Variants in KCNG4 observed in about 807,000 individuals in gnomAD.
KCNG4 encodes the protein voltage-gated potassium channel regulatory subunit KCNG4.
Under a neutral mutation model 28.2 loss-of-function variants are expected in KCNG4, and 30 were observed. That is an observed-to-expected ratio of 1.06 (90% CI 0.80 to 1.44). KCNG4 has a LOEUF of 1.44. Ranked by LOEUF, KCNG4 falls within the 40% of genes most tolerant of loss-of-function variation. The pLI is 0.00. For synonymous variants in KCNG4, 375 were observed against 315.5 expected, an observed-to-expected ratio of 1.19 and a Z score of -2.00; for missense variants, 879 against 712.3, an observed-to-expected ratio of 1.23 and a Z score of -2.66.
At chr16:84,238,288 C>G (rs1905025637) in intron 1 of KCNG4, among the ~76,000 whole-genome samples, 1 of 152,152 alleles carries the variant, frequency 6.6e-6, no homozygotes, top group Non-Finnish European at 1.5e-5. Flanking sequence ...CACCTGACAT[C>G]AGGAAGGTTC....
chr16:84,232,454 G>C (rs1345251438), intron 2 of KCNG4, among the ~76,000 whole-genome samples: 1 of 152,162 alleles, frequency 6.6e-6, no homozygotes, highest in Non-Finnish European at 1.5e-5. Flanking sequence ...CTGCCTAGTT[G>C]GGACAGGGTT....
chr16:84,226,616 C>T lies in KCNG4; in HGVS notation c.757-3596G>A, dbSNP rs1020544407. On this transcript the variant is annotated intron_variant, in intron 2 of 2. Transcript: ENST00000308251. The surrounding 1 kb of genome is among the most constrained non-coding windows in gnomAD (Gnocchi z 4.1). ...AATATTGGCTGGGCACAATGGCTCACGCCTGTAATCCCAGCACTTTGGGAG... is the reference window on the plus strand; with the variant it reads ...AATATTGGCTGGGCACAATGGCTCATGCCTGTAATCCCAGCACTTTGGGAG... Among the ~76,000 whole-genome samples the T allele has an allele frequency of 8.6e-5, 13 of 151,840 alleles. No homozygotes were observed. The highest frequency in any genetic ancestry group is 6.2e-4 in the South Asian group (3 of 4,816).
intron 1 of KCNG4, among the ~76,000 whole-genome samples, chr16:84,239,056 C>G (rs562042622): frequency 6.6e-6 from 1 of 152,172 alleles, no homozygotes; most frequent in Non-Finnish European, 1.5e-5. Context: ...CTAGCCAAAG[C>G]CATTTCCAAA....
In KCNG4 at chr16:84,236,748, G is replaced by A. The variant is rs1175694792; in HGVS notation, c.738C>T (p.Leu246=). The part of the protein sequence containing the change: ...VSLCVSTMPD[L]RAEEDQGECS... Reference sequence around the variant, plus strand: ...CGCTCACCTGGTCCTCCTCTGCCCTGAGGTCGGGCATGGTGCTGACACACA... The same window carrying A: ...CGCTCACCTGGTCCTCCTCTGCCCTAAGGTCGGGCATGGTGCTGACACACA... The change falls in exon 2 of 3, where the codon CTC becomes CTT. Residue 246 remains leucine (L), a synonymous_variant. Transcript: ENST00000308251. 3.7e-6 allele frequency: 6 copies of A among 1,612,894 alleles called. No individual in the cohort carries two copies. The highest frequency in any genetic ancestry group is 1.7e-4 in the Middle Eastern group (1 of 6,034).
chr16:84,222,219 A>G lies in KCNG4; in HGVS notation c.1558T>C (p.Ter520GlnextTer17). The part of the protein sequence containing the change: ...EGPALPIMHM[*>Q] ...ATGTAGTCATGGGGGGTGCTGAGTTACATGTGCATGATAGGCAAGGCTGGG... is the reference window on the plus strand; with the variant it reads ...ATGTAGTCATGGGGGGTGCTGAGTTGCATGTGCATGATAGGCAAGGCTGGG... Residue 520 changes from the stop codon to glutamine, a stop_lost, in exon 3 of 3, where the codon TAA (stop) becomes CAA (glutamine). Transcript: ENST00000308251. The G allele has an allele frequency of 6.2e-7, 1 of 1,613,938 alleles. No individual in the cohort carries two copies.
intron 2 of KCNG4, among the ~76,000 whole-genome samples, chr16:84,230,472 T>C (rs244806): frequency 0.36 from 53,524 of 148,008 alleles, 9,803 homozygotes; most frequent in South Asian, 0.4. Flanking sequence ...CTCAGGAGGC[T>C]GAGGCAGGAG....
rs1303286150 is a variant in KCNG4, at chr16:84,236,947, C to T, written c.539G>A (p.Arg180Lys). 1.9e-6 allele frequency: 3 copies of T among 1,612,662 alleles called. No homozygotes were observed. Among genetic ancestry groups the T allele is most frequent in the Non-Finnish European group, 2.5e-6 (3 of 1,179,816 alleles). Residue 180 changes from arginine (R) to lysine (K), a missense_variant, in exon 2 of 3, where the codon AGG (arginine) becomes AAG (lysine). By Grantham distance (26) the Arg-to-Lys change is conservative. Transcript: ENST00000308251. ...EELEELAKLH[R>K]EDVLRQQRET... is the part of the protein sequence containing the mutation. ...CCTCTGCTGCCTCAGTACGTCCTCC[C>T]TGTGCAGCTTGGCCAGCTCCTCCAG...
chr16:84,223,101 A>G lies in KCNG4; in HGVS notation c.757-81T>C, dbSNP rs1904619494. ...GAAATCGGGGGACGACTTCATGCCCATGAGCTTTGTGCTGTAAACTTAGTC... is the reference window on the plus strand; with the variant it reads ...GAAATCGGGGGACGACTTCATGCCCGTGAGCTTTGTGCTGTAAACTTAGTC... On this transcript the variant is annotated intron_variant, in intron 2 of 2. Coordinates refer to ENST00000308251, the MANE Select transcript of KCNG4 (RefSeq NM_172347.3). 11 of 1,136,748 alleles carry G rather than the reference A, an allele frequency of 9.7e-6. No individual in the cohort carries two copies. In the South Asian group the frequency reaches 1.7e-4, roughly 17 times the overall value. 70.4% of individuals were successfully genotyped at this position (1,136,748 alleles called of 1,614,324 possible). A position where few individuals can be genotyped will look rare whatever the true frequency, so the allele number is the denominator to read the frequency against.
In KCNG4 at chr16:84,220,450, AC is replaced by A. The variant is rs1904531578; in HGVS notation, c.*1766del. 1 of 152,250 alleles carries A rather than the reference AC, an allele frequency of 6.6e-6. No individual in the cohort carries two copies. The highest frequency in any genetic ancestry group is 6.5e-5 in the Admixed American group (1 of 15,290). The allele number at this position is 152,250 out of a possible 1,614,324, so 9.4% of individuals were successfully genotyped here. On this transcript the variant is annotated 3_prime_UTR_variant, in exon 3 of 3. Coordinates refer to ENST00000308251, the MANE Select transcript of KCNG4 (RefSeq NM_172347.3). Reference sequence around the variant, plus strand: ...GCTTCCTGGGCCAGAGCCCTCTGCCACGCTGCTGTCTGGCATTGCCATCAGT... The same window carrying A: ...GCTTCCTGGGCCAGAGCCCTCTGCCAGCTGCTGTCTGGCATTGCCATCAGT...
chr16:84,237,552 C>G (rs3803640), intron 1 of KCNG4, 27 bp from the exon 2 acceptor site: 7 of 1,400,598 alleles, frequency 5.0e-6, no homozygotes, highest in Middle Eastern at 3.8e-4. Flanking sequence ...AAAGAGCAAG[C>G]AAAAGGAAGG....
At chr16:84,238,463 C>T (rs945308640) in intron 1 of KCNG4, among the ~76,000 whole-genome samples, 53 of 152,314 alleles carry the variant, frequency 3.5e-4, no homozygotes, top group Non-Finnish European at 5.0e-4. Flanking sequence ...AGGAGCATTG[C>T]GTACTTGCAA....
intron 2 of KCNG4, among the ~76,000 whole-genome samples, chr16:84,229,644 A>G (rs1904779353): frequency 6.6e-6 from 1 of 152,200 alleles, no homozygotes; most frequent in African/African-American, 2.4e-5. Context: ...CCCTTCCTGA[A>G]CGACTCATGA....
rs112484461 is a variant in KCNG4 at position 84,219,103 on chromosome 16, G to A, written c.*3114C>T. On this transcript the variant is annotated 3_prime_UTR_variant, in exon 3 of 3. Transcript: ENST00000308251. ...TCAAAGGGCTGGGCTGGACACTGAC[G>A]GGAAGGAGAGGAGACTGGGGATTTG... The A allele has an allele frequency of 1.3e-5, 2 of 152,256 alleles. No individual in the cohort carries two copies. The highest frequency in any genetic ancestry group is 2.9e-5 in the Non-Finnish European group (2 of 68,060). 9.4% of individuals were successfully genotyped at this position (152,256 alleles called of 1,614,324 possible).
chr16:84,237,160 T>C lies in KCNG4; in HGVS notation c.326A>G (p.Gln109Arg). Reference protein sequence around the residue: ...QLCDDYDEDSQEFFFDRSPSA... With the variant: ...QLCDDYDEDSREFFFDRSPSA... ...GGGGCTCCTGTCGAAGAAGAACTCCTGGCTGTCCTCGTCGTAATCATCGCA... is the reference window on the plus strand; with the variant it reads ...GGGGCTCCTGTCGAAGAAGAACTCCCGGCTGTCCTCGTCGTAATCATCGCA... Residue 109 changes from glutamine to arginine, a missense_variant, in exon 2 of 3, where the codon CAG becomes CGG. Coordinates refer to ENST00000308251, the MANE Select transcript of KCNG4 (RefSeq NM_172347.3). 1 of 1,614,186 alleles carries C rather than the reference T, an allele frequency of 6.2e-7. No individual in the cohort carries two copies. Among genetic ancestry groups the C allele is most frequent in the Non-Finnish European group, 8.5e-7 (1 of 1,180,030 alleles).
Position 84,226,038 on chromosome 16 carries a change from G to A in KCNG4, c.757-3018C>T, listed in dbSNP as rs894498549. On this transcript the variant is annotated intron_variant, in intron 2 of 2. Coordinates refer to ENST00000308251, the MANE Select transcript of KCNG4 (RefSeq NM_172347.3). The surrounding 1 kb of genome is among the most constrained non-coding windows in gnomAD (Gnocchi z 4.1). ...TCCTTTCTCCCTTTGTGGAAGTTCT[G>A]TGCTTAAACCCAGAAAGTTCCGGGT... is the stretch of plus-strand genomic sequence containing the variant. 1.3e-5 allele frequency among the ~76,000 whole-genome samples: 2 copies of A among 152,230 alleles called. No individual in the cohort carries two copies. The highest frequency in any genetic ancestry group is 1.9e-4 in the East Asian group (1 of 5,202).
At chr16:84,231,339 C>T (rs958758428) in intron 2 of KCNG4, among the ~76,000 whole-genome samples, 1 of 152,132 alleles carries the variant, frequency 6.6e-6, no homozygotes, top group Non-Finnish European at 1.5e-5. Context: ...CTTACCCTGA[C>T]CTGATACTAT....
chr16:84,221,511 C>A lies in KCNG4; in HGVS notation c.*706G>T, dbSNP rs1904557499. ...GTCCCAGGTCCCAGGTCCCAGGTCA[C>A]AGATCCCAGGCATGCCTGGGGATGC... On this transcript the variant is annotated 3_prime_UTR_variant, in exon 3 of 3. Transcript: ENST00000308251. The A allele has an allele frequency of 6.6e-6, 1 of 150,622 alleles. No homozygotes were observed. Among genetic ancestry groups the A allele is most frequent in the African/African-American group, 2.5e-5 (1 of 39,918 alleles). The allele number at this position is 150,622 out of a possible 1,614,324, so 9.3% of individuals were successfully genotyped here.
At chr16:84,237,587 C>T (rs11647665) in intron 1 of KCNG4, 62 bp from the exon 2 acceptor site, 556,561 of 1,190,896 alleles carry the variant, frequency 0.47, 132,358 homozygotes, top group Admixed American at 0.51. Context: ...GGCAAAGAGT[C>T]CTGGATGTCA....
intron 2 of KCNG4, among the ~76,000 whole-genome samples, chr16:84,232,039 C>T (rs1347693666): frequency 1.3e-5 from 2 of 148,454 alleles, no homozygotes; most frequent in African/African-American, 2.5e-5. Context: ...AGGACTAGAT[C>T]TCGAATCCTG....
Sources: allele counts gnomAD v4.1 joint callset (sites outside exome capture counted in the v4.1 genomes callset), GRCh38; gene constraint gnomAD v4.1.1; non-coding constraint Gnocchi (gnomAD v3.1); transcripts MANE v1.5; gene names NCBI Gene and HGNC (gene_info 2026-07-23, HGNC 2026-07-21).